The following MXD1 variants were observed in gnomAD, a reference collection of about 807,000 sequenced individuals.
The protein encoded by MXD1 is MAX dimerization protein 1.
MXD1 carries 9 observed loss-of-function variants against 25.7 expected under a neutral mutation model. The ratio of observed to expected loss-of-function variants is 0.35; its 90% CI spans 0.21 to 0.61. The LOEUF is 0.61. Among genes scored for constraint, MXD1 ranks in the 20% least tolerant of loss-of-function variants. MXD1 has a pLI of 0.75. For synonymous variants in MXD1, 99 were observed against 113.9 expected (o/e 0.87, Z 0.83); for missense variants, 227 against 292.4 (o/e 0.78, Z 1.63).
At chr2:69,935,562 C>T in intron 4 of MXD1, 97 bp downstream of exon 4, 1 of 786,044 alleles carries the variant, frequency 1.3e-6, no homozygotes, top group Non-Finnish European at 2.2e-6. Context: ...CTGAACTCCT[C>T]CAGTCTAGCT....
At position 69,941,960 on chromosome 2, in the gene MXD1, C is replaced by T. The variant is rs1466631671; in HGVS notation, c.*3676C>T. The T allele has an allele frequency of 6.6e-6, 1 of 152,008 alleles. No homozygotes were observed. Among genetic ancestry groups the T allele is most frequent in the Non-Finnish European group, 1.5e-5 (1 of 67,986 alleles). The allele number at this position is 152,008 out of a possible 1,614,324, so 9.4% of individuals were successfully genotyped here. ...TATCATTGTCCTTTACAGTCTATTT[C>T]TTCCCCCAAGTCTTGGTCTTTTTTT... On this transcript the variant is annotated 3_prime_UTR_variant, in exon 6 of 6. Transcript: ENST00000264444.
At chr2:69,937,970 C>T in intron 5 of MXD1, 127 bp from the exon 6 acceptor site, 1 of 843,390 alleles carries the variant, frequency 1.2e-6, no homozygotes, top group East Asian at 2.7e-5. Context: ...TGGTCTCAAA[C>T]TCCTAACCTC....
chr2:69,918,628 A>T (rs764104635), intron 2 of MXD1, among the ~76,000 whole-genome samples: 4 of 152,222 alleles, frequency 2.6e-5, no homozygotes, highest in Non-Finnish European at 5.9e-5. Flanking sequence ...TTGTTTTATA[A>T]GACAGTGGCT....
At chr2:69,936,857 C>T (rs945090474) in intron 4 of MXD1, among the ~76,000 whole-genome samples, 1 of 152,180 alleles carries the variant, frequency 6.6e-6, no homozygotes, top group African/African-American at 2.4e-5. Flanking sequence ...CTTAAGCTCC[C>T]ATCAAGTGCA....
intron 4 of MXD1, among the ~76,000 whole-genome samples, chr2:69,935,929 G>A (rs1677423787): frequency 6.6e-6 from 1 of 152,020 alleles, no homozygotes; most frequent in African/African-American, 2.4e-5. Flanking sequence ...TTCTTCTGTG[G>A]CTCAGGACAA....
intron 4 of MXD1, among the ~76,000 whole-genome samples, chr2:69,935,874 A>T (rs1677421777): frequency 6.6e-6 from 1 of 152,106 alleles, no homozygotes; most frequent in Non-Finnish European, 1.5e-5. Flanking sequence ...GCTTCCTGAG[A>T]ACAGTCCTTC....
intron 3 of MXD1, among the ~76,000 whole-genome samples, chr2:69,925,812 A>G (rs1677158579): frequency 6.6e-6 from 1 of 152,188 alleles, no homozygotes; most frequent in African/African-American, 2.4e-5. Flanking sequence ...ATGTATAGCT[A>G]TGGAATTGGT....
intron 3 of MXD1, among the ~76,000 whole-genome samples, chr2:69,928,693 C>A: frequency 7.2e-6 from 1 of 138,908 alleles, no homozygotes; most frequent in African/African-American, 3.0e-5. Flanking sequence ...ATAGTGAGAC[C>A]CATCTGTACC....
chr2:69,928,508 C>G (rs1377273572), intron 3 of MXD1, among the ~76,000 whole-genome samples: 1 of 152,164 alleles, frequency 6.6e-6, no homozygotes, highest in Non-Finnish European at 1.5e-5. Flanking sequence ...TTCATCTACA[C>G]GTTTGAGCAC....
At chr2:69,920,835 A>G (rs1677051291) in intron 2 of MXD1, among the ~76,000 whole-genome samples, 1 of 152,178 alleles carries the variant, frequency 6.6e-6, no homozygotes, top group Admixed American at 6.5e-5. Context: ...AAGGGGCCAC[A>G]TTGACTTCTT....
At position 69,927,747 on chromosome 2, in the gene MXD1, A is replaced by G. The variant is rs944194240; in HGVS notation, c.203+5982A>G. 3.3e-5 allele frequency among the ~76,000 whole-genome samples: 5 copies of G among 152,222 alleles called. No homozygotes were observed. The East Asian group carries it at 7.7e-4, about 23-fold the overall frequency. ...CATACTTTAATAATGAAGTGACCTT[A>G]TCTCTCCAAAATGTAGCCACTGTTA... On this transcript the variant is annotated intron_variant, in intron 3 of 5. Transcript: ENST00000264444.
chr2:69,942,780 G>T lies in MXD1; in HGVS notation c.*4496G>T, dbSNP rs1049476107. On this transcript the variant is annotated 3_prime_UTR_variant, in exon 6 of 6. Transcript: ENST00000264444. ...AGATGTTTCTTTATGTAAATATGAC[G>T]CCAATGTAAATCCTGTGTCAAGATC... 1 of 152,122 alleles carries T rather than the reference G, an allele frequency of 6.6e-6. No homozygotes were observed. 9.4% of individuals were successfully genotyped at this position (152,122 alleles called of 1,614,324 possible). A position where few individuals can be genotyped will look rare whatever the true frequency, so the allele number is the denominator to read the frequency against.
At chr2:69,929,539 AGCTCTGGTAGGAGCTGGT>A in intron 3 of MXD1, among the ~76,000 whole-genome samples, 1 of 152,370 alleles carries the variant, frequency 6.6e-6, no homozygotes, top group Middle Eastern at 3.4e-3. Flanking sequence ...TCAGTGCCAA[AGCTCTGGTAGGAGCTGGT>A]GCCTCAAACA....
chr2:69,935,151 C>T (rs1475735662), intron 3 of MXD1, among the ~76,000 whole-genome samples, 200 bp from the exon 4 acceptor site: 1 of 152,204 alleles, frequency 6.6e-6, no homozygotes, highest in African/African-American at 2.4e-5. Context: ...GACTTAGCTT[C>T]GAAAACCTTG....
chr2:69,937,171 CG>C, intron 4 of MXD1, 63 bp from the exon 5 acceptor site: 1 of 1,587,904 alleles, frequency 6.3e-7, no homozygotes, highest in Non-Finnish European at 8.6e-7. Context: ...AGGGAAGATG[CG>C]GGGGCCATTG....
intron 3 of MXD1, among the ~76,000 whole-genome samples, chr2:69,927,634 G>A (rs1303449001): frequency 6.6e-6 from 1 of 152,182 alleles, no homozygotes; most frequent in East Asian, 1.9e-4. Flanking sequence ...TAGTGGGATA[G>A]AGCCAACAGG....
intron 2 of MXD1, among the ~76,000 whole-genome samples, chr2:69,917,820 A>T (rs1387510232): frequency 8.6e-6 from 1 of 116,718 alleles, no homozygotes; most frequent in Non-Finnish European, 1.7e-5. Context: ...AATAATCAGT[A>T]CTATGCCAAA....
intron 3 of MXD1, among the ~76,000 whole-genome samples, chr2:69,928,401 T>G (rs1677211425): frequency 6.6e-6 from 1 of 152,144 alleles, no homozygotes; most frequent in African/African-American, 2.4e-5. Flanking sequence ...AAAGAATATG[T>G]TTGGTAAGAG....
chr2:69,938,017 G>A, intron 5 of MXD1, 80 bp from the exon 6 acceptor site: 2 of 1,395,530 alleles, frequency 1.4e-6, no homozygotes, highest in Non-Finnish European at 2.0e-6. Flanking sequence ...AAAGTGCTGG[G>A]ATTACAAGCA....
Sources: gnomAD v4.1 joint callset for allele counts (sites outside exome capture counted in the v4.1 genomes callset) on GRCh38, gnomAD v4.1.1 for gene constraint, MANE v1.5 for transcripts, NCBI Gene and HGNC (gene_info 2026-07-23, HGNC 2026-07-21) for gene names.